Variants in BCKDHB observed in about 807,000 individuals in gnomAD.
BCKDHB encodes branched chain keto acid dehydrogenase E1 subunit beta.
Under a neutral mutation model 48.5 loss-of-function variants are expected in BCKDHB, and 41 were observed. The observed-to-expected ratio is 0.85, with a 90% confidence interval of 0.66 to 1.10. BCKDHB has a LOEUF of 1.10. BCKDHB is among the 50% of genes least tolerant of loss of function. The pLI, the probability that BCKDHB is intolerant of heterozygous loss-of-function variation, is 0.00. For missense variants in BCKDHB, 496 were observed against 494.2 expected, an observed-to-expected ratio of 1.00 and a Z score of -0.03; for synonymous variants, 201 against 174.8, an observed-to-expected ratio of 1.15 and a Z score of -1.18.
intron 9 of BCKDHB, among the ~76,000 whole-genome samples, chr6:80,328,950 G>T (rs1313240394): frequency 6.6e-6 from 1 of 151,976 alleles, no homozygotes; most frequent in Non-Finnish European, 1.5e-5. Flanking sequence ...ATGTTGCTAG[G>T]TTGCTCAATT....
the BCKDHB span, among the ~76,000 whole-genome samples, chr6:80,444,695 A>G: frequency 6.6e-6 from 1 of 152,218 alleles, no homozygotes; most frequent in Non-Finnish European, 1.5e-5. Flanking sequence ...TGCCTACTGC[A>G]TATGTGCATT....
rs184284908 is a variant in BCKDHB at position 80,210,202 on chromosome 6, A to G, written c.951+6990A>G. 3.6e-4 allele frequency among the ~76,000 whole-genome samples: 54 copies of G among 151,522 alleles called. 1 individual carries two copies. The highest frequency in any genetic ancestry group is 3.2e-3 in the Admixed American group (49 of 15,204). ...TACTTCTAGTAGCCCCACACTGTAAACTGCCGAAGTACTCATCAACTAGAG... is the reference window on the plus strand; with the variant it reads ...TACTTCTAGTAGCCCCACACTGTAAGCTGCCGAAGTACTCATCAACTAGAG... On this transcript the variant is annotated intron_variant, in intron 8 of 9. Transcript: ENST00000320393.
At chr6:80,166,884 G>T (rs916140032) in intron 3 of BCKDHB, among the ~76,000 whole-genome samples, 12 of 152,056 alleles carry the variant, frequency 7.9e-5, no homozygotes, top group Non-Finnish European at 1.6e-4. Flanking sequence ...TGTCAGTTAG[G>T]CCATGTTTGT....
intron 8 of BCKDHB, among the ~76,000 whole-genome samples, chr6:80,266,862 C>T (rs73463519): frequency 0.073 from 11,081 of 151,984 alleles, 579 homozygotes; most frequent in South Asian, 0.24. Context: ...ATATAAGCAA[C>T]ATTTATTGAG....
the BCKDHB span, among the ~76,000 whole-genome samples, chr6:80,424,495 A>G: frequency 6.6e-6 from 1 of 152,334 alleles, no homozygotes; most frequent in African/African-American, 2.4e-5. Flanking sequence ...ATATAATTTC[A>G]TTACATAATT....
In BCKDHB at chr6:80,205,837, G is replaced by GTGT. The variant is rs1368120428; in HGVS notation, c.951+2625_951+2626insTGT. On this transcript the variant is annotated intron_variant, in intron 8 of 9. Coordinates refer to ENST00000320393, the MANE Select transcript of BCKDHB (RefSeq NM_183050.4). ...GTGTGTGTGTGTGTGTGTGTGTGTA[G>GTGT]GTGGATTGGCTTAAGAGAATCAGCT... 6.8e-3 allele frequency among the ~76,000 whole-genome samples: 627 copies of GTGT among 91,898 alleles called. 6 individuals are homozygous for GTGT. Among genetic ancestry groups the GTGT allele is most frequent in the African/African-American group, 0.026 (600 of 23,260 alleles). The allele number at this position is 91,898 out of a possible 152,430, so 60.3% of individuals were successfully genotyped here.
At chr6:80,394,492 A>G in the BCKDHB span, among the ~76,000 whole-genome samples, 1 of 151,440 alleles carries the variant, frequency 6.6e-6, no homozygotes, top group Non-Finnish European at 1.5e-5. Context: ...CTGTCTCTGC[A>G]TCTCCTGTGC....
At chr6:80,133,049 A>G (rs927143889) in intron 3 of BCKDHB, among the ~76,000 whole-genome samples, 1 of 152,200 alleles carries the variant, frequency 6.6e-6, no homozygotes, top group Admixed American at 6.5e-5. Context: ...GCATTAAATG[A>G]CATAGCAAAG....
At chr6:80,124,187 A>G (rs931691867) in intron 1 of BCKDHB, among the ~76,000 whole-genome samples, 1 of 152,106 alleles carries the variant, frequency 6.6e-6, no homozygotes, top group East Asian at 1.9e-4. Context: ...TTCAGTTTCC[A>G]TGTAGTTGTG....
chr6:80,433,076 C>G, the BCKDHB span, among the ~76,000 whole-genome samples: 3 of 152,136 alleles, frequency 2.0e-5, no homozygotes, highest in Non-Finnish European at 4.4e-5. Flanking sequence ...AGCCAGAGCT[C>G]TCCTGTATGA....
chr6:80,401,641 ATT>A, the BCKDHB span, among the ~76,000 whole-genome samples: 1 of 151,678 alleles, frequency 6.6e-6, no homozygotes, highest in Non-Finnish European at 1.5e-5. Context: ...ACAACATGGT[ATT>A]CTTAGCTATA....
At chr6:80,398,097 T>C in the BCKDHB span, among the ~76,000 whole-genome samples, 1 of 152,052 alleles carries the variant, frequency 6.6e-6, no homozygotes, top group African/African-American at 2.4e-5. Flanking sequence ...GAGAAAACTT[T>C]ATAGCACTAA....
chr6:80,171,218 T>C (rs1015877978), intron 5 of BCKDHB, 64 bp from the exon 6 acceptor site: 2 of 911,738 alleles, frequency 2.2e-6, no homozygotes, highest in African/African-American at 1.6e-5. Context: ...TCAGCCCTTC[T>C]TAGCAGCGAG....
rs528202701 is a variant in BCKDHB at position 80,161,982 on chromosome 6, A to C, written c.344-5696A>C. Among the ~76,000 whole-genome samples the C allele has an allele frequency of 3.2e-4, 49 of 152,150 alleles. 1 individual carries two copies. In the South Asian group the frequency reaches 7.1e-3, roughly 22 times the overall value. On this transcript the variant is annotated intron_variant, in intron 3 of 9. Transcript: ENST00000320393. ...TTCTTTTACATCCAGTTTAAATTTC[A>C]TGTCAATATTTGCTTGGCAAAATCT... is the stretch of plus-strand genomic sequence containing the variant.
chr6:80,315,556 C>T (rs1768402283), intron 9 of BCKDHB, among the ~76,000 whole-genome samples: 1 of 151,440 alleles, frequency 6.6e-6, no homozygotes, highest in African/African-American at 2.4e-5. Flanking sequence ...GTGCCACGCA[C>T]TACAGTTGCT....
the BCKDHB span, among the ~76,000 whole-genome samples, chr6:80,460,182 A>G: frequency 5.9e-5 from 9 of 152,294 alleles, no homozygotes; most frequent in South Asian, 1.9e-3. Context: ...AACTTTCTGG[A>G]AAAAACAAAT....
chr6:80,167,868 G>T, intron 4 of BCKDHB, 57 bp downstream of exon 4: 2 of 1,543,572 alleles, frequency 1.3e-6, no homozygotes, highest in Non-Finnish European at 1.8e-6. Flanking sequence ...AAGTATTGCC[G>T]CTACCCTTCC....
At chr6:80,284,547 CT>C (rs1766534372) in intron 9 of BCKDHB, among the ~76,000 whole-genome samples, 1 of 151,790 alleles carries the variant, frequency 6.6e-6, no homozygotes, top group Admixed American at 6.6e-5. Context: ...TGTTTTAATC[CT>C]TTAGAGGATC....
At chr6:80,429,615 A>G in the BCKDHB span, among the ~76,000 whole-genome samples, 1 of 152,094 alleles carries the variant, frequency 6.6e-6, no homozygotes, top group Non-Finnish European at 1.5e-5. Flanking sequence ...ATTCCTAGGT[A>G]TTTTATTCTC....
Sources: allele counts gnomAD v4.1 joint callset (sites outside exome capture counted in the v4.1 genomes callset), GRCh38; gene constraint gnomAD v4.1.1; transcripts MANE v1.5; gene names NCBI Gene and HGNC (gene_info 2026-07-23, HGNC 2026-07-21).